The following RIMS2 variants were observed in gnomAD, a reference collection of about 807,000 sequenced individuals.
RIMS2 encodes regulating synaptic membrane exocytosis 2.
RIMS2 carries 59 observed loss-of-function variants against 174.4 expected under a neutral mutation model. The ratio of observed to expected loss-of-function variants is 0.34; its 90% CI spans 0.27 to 0.42. The LOEUF (loss-of-function observed/expected upper bound fraction) is 0.42, where lower values mean the gene tolerates loss of function less well. Among genes scored for constraint, RIMS2 ranks in the 10% least tolerant of loss-of-function variants. RIMS2 has a pLI of 1.00. For synonymous variants in RIMS2, 606 were observed against 572.5 expected, an observed-to-expected ratio of 1.06 and a Z score of -0.84; for missense variants, 1,620 against 1,666.3, an observed-to-expected ratio of 0.97 and a Z score of 0.48.
intron 1 of RIMS2, among the ~76,000 whole-genome samples, chr8:103,608,589 C>T (rs1401072663): frequency 2.0e-5 from 3 of 148,408 alleles, no homozygotes; most frequent in East Asian, 3.9e-4. Context: ...CCTCCCCCAG[C>T]CTCGCTGCCG....
Position 104,010,304 on chromosome 8 carries a change from A to G in RIMS2, c.3045-3138A>G, listed in dbSNP as rs144441820. 1.8e-3 allele frequency among the ~76,000 whole-genome samples: 277 copies of G among 152,310 alleles called. 4 individuals are homozygous for G. The highest frequency in any genetic ancestry group is 0.01 in the Middle Eastern group (3 of 294). ...GACAACTTTGCTGGATGATTATAAA[A>G]TTATTTTTCCCTTAGAATGACTGAA... On this transcript the variant is annotated intron_variant, in intron 17 of 23. Coordinates refer to ENST00000504942, the Ensembl canonical transcript of RIMS2.
intron 4 of RIMS2, among the ~76,000 whole-genome samples, chr8:103,907,255 T>C (rs1228664192): frequency 6.6e-6 from 1 of 152,226 alleles, no homozygotes; most frequent in Non-Finnish European, 1.5e-5. Context: ...GGAATGCAAT[T>C]TGAGAACCAT....
chr8:103,971,980 G>A (rs1351382390), intron 15 of RIMS2, among the ~76,000 whole-genome samples: 1 of 151,980 alleles, frequency 6.6e-6, no homozygotes, highest in African/African-American at 2.4e-5. Context: ...GATTCATGTT[G>A]GCATGGCCTG....
chr8:103,917,173 C>T (rs1415113014), intron 8 of RIMS2, among the ~76,000 whole-genome samples: 1 of 151,958 alleles, frequency 6.6e-6, no homozygotes, highest in Non-Finnish European at 1.5e-5. Flanking sequence ...AGAGTAAAAG[C>T]AACAGAAAAA....
chr8:104,248,907 CT>C (rs2099349040), intron 21 of RIMS2, 94 bp downstream of exon 27: 1 of 637,934 alleles, frequency 1.6e-6, no homozygotes, highest in African/African-American at 2.1e-5. Context: ...CTCTCTCTCT[CT>C]CTCTTTCCCT....
At chr8:103,949,271 T>G (rs908257333) in intron 14 of RIMS2, among the ~76,000 whole-genome samples, 1 of 152,128 alleles carries the variant, frequency 6.6e-6, no homozygotes, top group Non-Finnish European at 1.5e-5. Flanking sequence ...TACTCCGCTG[T>G]CAATGTTTGT....
intron 16 of RIMS2, among the ~76,000 whole-genome samples, chr8:103,982,766 C>T (rs2094021572): frequency 1.3e-5 from 2 of 152,084 alleles, no homozygotes; most frequent in Admixed American, 6.6e-5. Flanking sequence ...TGATGAAAGC[C>T]ATATACAACA....
chr8:103,506,277 G>A lies in RIMS2; in HGVS notation c.176+5215G>A, dbSNP rs896841259. 4.6e-5 allele frequency among the ~76,000 whole-genome samples: 7 copies of A among 151,912 alleles called. No homozygotes were observed. In the East Asian group the frequency reaches 1.3e-3, roughly 29 times the overall value. ...TTATATATATTCTATTTTGAAATAAGGGCAATTAAATAATATCTTCCTCTT... is the reference window on the plus strand; with the variant it reads ...TTATATATATTCTATTTTGAAATAAAGGCAATTAAATAATATCTTCCTCTT... On this transcript the variant is annotated intron_variant, in intron 1 of 23. Coordinates refer to ENST00000504942, the Ensembl canonical transcript of RIMS2.
intron 9 of RIMS2, 28 bp downstream of exon 12, chr8:103,918,515 C>T (rs199887006): frequency 4.6e-6 from 7 of 1,519,904 alleles, no homozygotes; most frequent in East Asian, 2.3e-5. Context: ...TGGAAGAAAA[C>T]GTTATTTATA....
chr8:104,170,888 C>G (rs2098828288), intron 19 of RIMS2, among the ~76,000 whole-genome samples: 1 of 152,038 alleles, frequency 6.6e-6, no homozygotes, highest in Non-Finnish European at 1.5e-5. Flanking sequence ...CTGAAAAAGA[C>G]TTTATCGCTC....
intron 19 of RIMS2, among the ~76,000 whole-genome samples, chr8:104,091,333 TC>T (rs1328616690): frequency 6.6e-6 from 1 of 151,742 alleles, no homozygotes; most frequent in Non-Finnish European, 1.5e-5. Flanking sequence ...AAAACTGCCT[TC>T]ATATTCAATA....
intron 1 of RIMS2, among the ~76,000 whole-genome samples, chr8:103,634,658 T>C (rs2096028378): frequency 6.6e-6 from 1 of 152,252 alleles, no homozygotes; most frequent in Admixed American, 6.5e-5. Flanking sequence ...AGTCTATGTC[T>C]CTGTAATTCT....
intron 19 of RIMS2, among the ~76,000 whole-genome samples, chr8:104,205,915 C>A (rs180786493): frequency 7.9e-5 from 12 of 152,112 alleles, no homozygotes; most frequent in Admixed American, 5.9e-4. Flanking sequence ...ACCATCACGC[C>A]CGGCTGATTT....
At chr8:103,687,559 C>G (rs1269411972) in intron 1 of RIMS2, among the ~76,000 whole-genome samples, 1 of 151,964 alleles carries the variant, frequency 6.6e-6, no homozygotes, top group Admixed American at 6.6e-5. Flanking sequence ...TTATGATTTT[C>G]AAAATACAAT....
At chr8:104,058,497 A>G (rs944120039) in intron 19 of RIMS2, among the ~76,000 whole-genome samples, 11 of 149,836 alleles carry the variant, frequency 7.3e-5, no homozygotes, top group Non-Finnish European at 1.0e-4. Context: ...GGTTGCAAAA[A>G]TTTTCTCCCA....
chr8:104,194,153 T>G (rs2099012016), intron 19 of RIMS2, among the ~76,000 whole-genome samples: 1 of 152,148 alleles, frequency 6.6e-6, no homozygotes, highest in Non-Finnish European at 1.5e-5. Flanking sequence ...TCTTTCTTTT[T>G]TTTTCAAATG....
At chr8:103,907,756 T>G (rs1050590104) in intron 4 of RIMS2, among the ~76,000 whole-genome samples, 9 of 146,822 alleles carry the variant, frequency 6.1e-5, no homozygotes, top group East Asian at 2.0e-4. Context: ...ATTTTTTATG[T>G]TTTTTTTTTG....
At chr8:104,061,251 G>C (rs1312481389) in intron 19 of RIMS2, among the ~76,000 whole-genome samples, 1 of 152,052 alleles carries the variant, frequency 6.6e-6, no homozygotes, top group African/African-American at 2.4e-5. Flanking sequence ...GAATCTGGGT[G>C]CTCCTGTATT....
chr8:103,933,571 T>C (rs1374027909), intron 12 of RIMS2, among the ~76,000 whole-genome samples: 1 of 152,194 alleles, frequency 6.6e-6, no homozygotes, highest in Non-Finnish European at 1.5e-5. Flanking sequence ...TTTTATCTTT[T>C]GTCAACACCA....
Sources: gnomAD v4.1 joint callset for allele counts (sites outside exome capture counted in the v4.1 genomes callset) on GRCh38, gnomAD v4.1.1 for gene constraint, MANE v1.5 for transcripts, NCBI Gene and HGNC (gene_info 2026-07-23, HGNC 2026-07-21) for gene names.